SCMH1: variants seen among roughly 807,000 people sequenced by gnomAD.
The protein encoded by SCMH1 is polycomb protein SCMH1.
A neutral mutation model predicts 70.8 loss-of-function variants in SCMH1; 37 were observed. That is an observed-to-expected ratio of 0.52 (90% CI 0.40 to 0.69). The LOEUF (loss-of-function observed/expected upper bound fraction) is 0.69. SCMH1 is among the 30% of genes least tolerant of loss of function. The pLI is 0.00. For synonymous variants in SCMH1, 292 were observed against 307.4 expected, an observed-to-expected ratio of 0.95 and a Z score of 0.52; for missense variants, 607 against 827.3, an observed-to-expected ratio of 0.73 and a Z score of 3.27.
At chr1:41,215,311 G>A (rs768281167) in intron 1 of SCMH1, among the ~76,000 whole-genome samples, 1 of 152,010 alleles carries the variant, frequency 6.6e-6, no homozygotes, top group Non-Finnish European at 1.5e-5. Context: ...TGATCATGTG[G>A]CTTCTCTGCT....
At chr1:41,092,654 A>G (rs1487910369) in intron 8 of SCMH1, among the ~76,000 whole-genome samples, 1 of 152,222 alleles carries the variant, frequency 6.6e-6, no homozygotes, top group African/African-American at 2.4e-5. Flanking sequence ...AGAATCTACA[A>G]AGAACTTAAA....
intron 6 of SCMH1, among the ~76,000 whole-genome samples, chr1:41,117,462 G>C (rs1670774487): frequency 6.6e-6 from 1 of 151,804 alleles, no homozygotes; most frequent in Admixed American, 6.6e-5. Context: ...CAGTGTCAAG[G>C]AAAAACACCC....
At chr1:41,163,583 A>G (rs1158251633) in intron 2 of SCMH1, among the ~76,000 whole-genome samples, 3 of 152,244 alleles carry the variant, frequency 2.0e-5, no homozygotes, top group African/African-American at 7.2e-5. Context: ...GTGTTATCAT[A>G]AGAAGAGAAG....
At chr1:41,103,072 A>C (rs1312530778) in intron 8 of SCMH1, among the ~76,000 whole-genome samples, 1 of 152,038 alleles carries the variant, frequency 6.6e-6, no homozygotes, top group Non-Finnish European at 1.5e-5. Flanking sequence ...GAGATTCAGA[A>C]ATTCTCATTT....
intron 6 of SCMH1, among the ~76,000 whole-genome samples, chr1:41,120,811 T>G (rs1224762430): frequency 6.6e-6 from 1 of 152,190 alleles, no homozygotes; most frequent in African/African-American, 2.4e-5. Context: ...CAAGCCAATC[T>G]TACACTGTCA....
intron 5 of SCMH1, among the ~76,000 whole-genome samples, chr1:41,148,708 G>A (rs1160607003): frequency 9.9e-5 from 15 of 152,120 alleles, no homozygotes; most frequent in Admixed American, 9.8e-4. Context: ...ATTTGATTAT[G>A]ATATGCCTCT....
Position 41,046,261 on chromosome 1 carries a change from GA to G in SCMH1, c.1498+145del, listed in dbSNP as rs1646881976. 6.3e-6 allele frequency: 4 copies of G among 635,634 alleles called. No homozygotes were observed. In the South Asian group the frequency reaches 6.8e-5, roughly 11 times the overall value. 39.4% of individuals were successfully genotyped at this position (635,634 alleles called of 1,614,324 possible). A position where few individuals can be genotyped will look rare whatever the true frequency, so the allele number is the denominator to read the frequency against. ...GATGAGAGGAGGCTGAGAAGTCTCA[GA>G]TATGGCAAAGGTAAGGGACAGAAAA... On this transcript the variant is annotated intron_variant, in intron 12 of 14. Transcript: ENST00000337495.
chr1:41,193,066 T>C (rs1324868440), intron 1 of SCMH1, among the ~76,000 whole-genome samples: 1 of 152,232 alleles, frequency 6.6e-6, no homozygotes, highest in East Asian at 1.9e-4. Context: ...TGGTGGCAGA[T>C]AGATTTGGCC....
intron 6 of SCMH1, among the ~76,000 whole-genome samples, chr1:41,124,769 A>AT (rs1672778654): frequency 1.3e-5 from 2 of 151,582 alleles, no homozygotes; most frequent in African/African-American, 4.9e-5. Flanking sequence ...CAATTTTTCT[A>AT]TTTTTTGTAG....
chr1:41,126,209 T>C (rs1370511584), intron 6 of SCMH1, among the ~76,000 whole-genome samples: 2 of 152,278 alleles, frequency 1.3e-5, no homozygotes, highest in South Asian at 2.1e-4. Context: ...GAAGTCAAAA[T>C]TTCTTTGCAG....
At chr1:41,100,046 T>C (rs568381149) in intron 8 of SCMH1, among the ~76,000 whole-genome samples, 47 of 152,278 alleles carry the variant, frequency 3.1e-4, no homozygotes, top group Non-Finnish European at 5.7e-4. Flanking sequence ...ACTGTGTCTA[T>C]AGGTATACTC....
At chr1:41,059,591 T>C (rs1651826411) in intron 10 of SCMH1, among the ~76,000 whole-genome samples, 1 of 152,184 alleles carries the variant, frequency 6.6e-6, no homozygotes, top group African/African-American at 2.4e-5. Context: ...CAAGTCTGTG[T>C]GTGACCTGAT....
intron 12 of SCMH1, among the ~76,000 whole-genome samples, chr1:41,042,651 ACTT>A (rs1646344247): frequency 6.6e-6 from 1 of 151,866 alleles, no homozygotes; most frequent in Admixed American, 6.6e-5. Context: ...TCCTCCCTTG[ACTT>A]CTTCTTTTAC....
chr1:41,156,691 G>A (rs1048975891), intron 4 of SCMH1, among the ~76,000 whole-genome samples: 2 of 152,006 alleles, frequency 1.3e-5, no homozygotes, highest in African/African-American at 2.4e-5. Context: ...TAACTGCCTC[G>A]GCCTCCCAAA....
intron 8 of SCMH1, among the ~76,000 whole-genome samples, chr1:41,111,084 T>C (rs908836047): frequency 3.3e-5 from 5 of 152,244 alleles, no homozygotes; most frequent in African/African-American, 1.2e-4. Context: ...GTATGTTATC[T>C]GGAGAAATAT....
intron 8 of SCMH1, among the ~76,000 whole-genome samples, chr1:41,104,324 AG>A (rs1667339797): frequency 6.6e-6 from 1 of 152,242 alleles, no homozygotes; most frequent in African/African-American, 2.4e-5. Context: ...AGCTGAAATA[AG>A]GACAGAGACT....
intron 2 of SCMH1, among the ~76,000 whole-genome samples, chr1:41,170,327 T>G (rs1646704833): frequency 6.6e-6 from 1 of 152,328 alleles, no homozygotes; most frequent in East Asian, 1.9e-4. Flanking sequence ...CCCTTCCCAA[T>G]TTTATGGCAC....
At chr1:41,105,865 G>T (rs1288303197) in intron 8 of SCMH1, among the ~76,000 whole-genome samples, 1 of 150,638 alleles carries the variant, frequency 6.6e-6, no homozygotes, top group Non-Finnish European at 1.5e-5. Flanking sequence ...CTACTTAAAA[G>T]CCCATTTGAT....
At chr1:41,180,934 C>G (rs145084116) in intron 2 of SCMH1, among the ~76,000 whole-genome samples, 1,871 of 152,306 alleles carry the variant, frequency 0.012, 16 homozygotes, top group South Asian at 0.019. Flanking sequence ...ATCACGCTAC[C>G]TGACTTCAAA....
Sources: gnomAD v4.1 joint callset for allele counts (sites outside exome capture counted in the v4.1 genomes callset) on GRCh38, gnomAD v4.1.1 for gene constraint, MANE v1.5 for transcripts, NCBI Gene and HGNC (gene_info 2026-07-23, HGNC 2026-07-21) for gene names.